LAMB4: variants seen among roughly 807,000 people sequenced by gnomAD.
LAMB4 encodes the protein laminin subunit beta-4.
LAMB4 carries 196 observed loss-of-function variants against 199.2 expected under a neutral mutation model. The ratio of observed to expected loss-of-function variants is 0.98; its 90% CI spans 0.88 to 1.11. The LOEUF is 1.11. Among genes scored for constraint, LAMB4 ranks in the 50% least tolerant of loss-of-function variants. The probability of loss-of-function intolerance (pLI) is 0.00; values close to 1 mark genes in which losing one functional copy is unlikely to be tolerated. For synonymous variants in LAMB4, 744 were observed against 770.6 expected, an observed-to-expected ratio of 0.97 and a Z score of 0.57; for missense variants, 2,080 against 2,171.2, an observed-to-expected ratio of 0.96 and a Z score of 0.83.
At chr7:108,097,535 C>T (rs1172295496) in intron 11 of LAMB4, among the ~76,000 whole-genome samples, 1 of 152,226 alleles carries the variant, frequency 6.6e-6, no homozygotes, top group African/African-American at 2.4e-5. Flanking sequence ...CCTGTAATCC[C>T]AGCACTTTGG....
intron 25 of LAMB4, among the ~76,000 whole-genome samples, chr7:108,054,323 C>T (rs6962826): frequency 0.072 from 10,950 of 152,240 alleles, 1,100 homozygotes; most frequent in African/African-American, 0.22. Context: ...TGGGCCCTGT[C>T]ACTGCATTTA....
At chr7:108,078,990 C>T (rs117716025) in intron 15 of LAMB4, among the ~76,000 whole-genome samples, 1 of 152,188 alleles carries the variant, frequency 6.6e-6, no homozygotes, top group Admixed American at 6.5e-5. Context: ...ACCACACCCC[C>T]CTCCAGCCAT....
intron 2 of LAMB4, among the ~76,000 whole-genome samples, chr7:108,122,482 T>C (rs147951185): frequency 1.3e-5 from 2 of 152,276 alleles, no homozygotes; most frequent in African/African-American, 2.4e-5. Flanking sequence ...ACCTCAGGGT[T>C]GGAAAATTGT....
the LAMB4 span, among the ~76,000 whole-genome samples, chr7:108,013,361 G>A: frequency 2.0e-4 from 31 of 152,084 alleles, no homozygotes; most frequent in Non-Finnish European, 3.7e-4. Context: ...CAGCCAATAC[G>A]CATTCGTATG....
chr7:108,040,081 T>G (rs900316353), intron 29 of LAMB4, among the ~76,000 whole-genome samples: 1 of 152,164 alleles, frequency 6.6e-6, no homozygotes, highest in Non-Finnish European at 1.5e-5. Flanking sequence ...ACAAAATCAA[T>G]GTACAAAAAT....
intron 3 of LAMB4, among the ~76,000 whole-genome samples, chr7:108,115,545 C>A (rs907214476): frequency 6.6e-6 from 1 of 152,030 alleles, no homozygotes; most frequent in African/African-American, 2.4e-5. Flanking sequence ...GTGGTGCATG[C>A]CTGTATTTTT....
In LAMB4 at chr7:108,063,948, T is replaced by C. The variant is rs1048096794; in HGVS notation, c.2874A>G (p.Gly958=). The C allele has an allele frequency of 6.2e-7, 1 of 1,614,134 alleles. No homozygotes were observed. Among genetic ancestry groups the C allele is most frequent in the Non-Finnish European group, 8.5e-7 (1 of 1,180,026 alleles). ...QCGECSTGFY[G]NPRISGAPCQ... ...AAGGTGCTCCTGAAATTCTTGGATT[T>C]CCATAGAAACCAGTAGAGCATTCTC... The change falls in exon 22 of 34, where the codon GGA becomes GGG. Residue 958 remains glycine, a synonymous_variant. Coordinates refer to ENST00000388781, the MANE Select transcript of LAMB4 (RefSeq NM_007356.3).
chr7:108,063,348 A>G (rs992904635), intron 22 of LAMB4, among the ~76,000 whole-genome samples: 1 of 152,168 alleles, frequency 6.6e-6, no homozygotes, highest in Non-Finnish European at 1.5e-5. Flanking sequence ...GTTTGTTACA[A>G]TGCAGATTCC....
intron 25 of LAMB4, among the ~76,000 whole-genome samples, chr7:108,053,103 A>G (rs535433907): frequency 3.3e-5 from 5 of 152,342 alleles, no homozygotes; most frequent in Admixed American, 3.3e-4. Flanking sequence ...CAATAAAAAT[A>G]ATGATAATTA....
intron 4 of LAMB4, among the ~76,000 whole-genome samples, chr7:108,110,262 C>T (rs954945138): frequency 6.6e-6 from 1 of 152,178 alleles, no homozygotes; most frequent in Non-Finnish European, 1.5e-5. Context: ...CTCCTGAGCT[C>T]AAGTGATCTG....
chr7:108,016,644 T>C, the LAMB4 span, among the ~76,000 whole-genome samples: 5 of 152,180 alleles, frequency 3.3e-5, no homozygotes, highest in African/African-American at 1.2e-4. Flanking sequence ...AGAAAAATCA[T>C]ATGTGAGAGC....
In LAMB4 at chr7:108,052,146, A is replaced by G. The variant is rs762491444; in HGVS notation, c.3867T>C (p.Leu1289=). The G allele has an allele frequency of 6.2e-7, 1 of 1,612,568 alleles. No homozygotes were observed. Among genetic ancestry groups the G allele is most frequent in the South Asian group, 1.1e-5 (1 of 90,622 alleles). ...TGGATTGCAAATCAATTTCTTCCTGAAGGTCTTCAAGTAAGAGGTCTGCTT... is the reference window on the plus strand; with the variant it reads ...TGGATTGCAAATCAATTTCTTCCTGGAGGTCTTCAAGTAAGAGGTCTGCTT... ...KNEADLLLED[L]QEEIDLQSSV... Residue 1289 remains leucine, a synonymous_variant, in exon 26 of 34, where the codon CTT becomes CTC. Transcript: ENST00000388781.
At chr7:108,056,831 G>A (rs959896536) in intron 24 of LAMB4, among the ~76,000 whole-genome samples, 1 of 152,062 alleles carries the variant, frequency 6.6e-6, no homozygotes, top group Non-Finnish European at 1.5e-5. Context: ...TTAGCCAGGT[G>A]TGGTGGCATA....
chr7:108,021,175 A>G (rs1198991968), downstream of LAMB4, among the ~76,000 whole-genome samples: 1 of 152,128 alleles, frequency 6.6e-6, no homozygotes, highest in Non-Finnish European at 1.5e-5. Flanking sequence ...AGTAGTCTAT[A>G]TTTGGTATTT....
At chr7:108,085,404 G>A (rs996277354) in intron 14 of LAMB4, among the ~76,000 whole-genome samples, 1 of 152,158 alleles carries the variant, frequency 6.6e-6, no homozygotes, top group African/African-American at 2.4e-5. Context: ...CTGCAAAGAT[G>A]AATGGTACAA....
intron 23 of LAMB4, among the ~76,000 whole-genome samples, chr7:108,061,739 C>CA (rs60564725): frequency 0.028 from 2,061 of 74,074 alleles, 27 homozygotes; most frequent in Non-Finnish European, 0.048. Flanking sequence ...ACTCTTGTCT[C>CA]AAAAAAAAAA....
chr7:108,104,500 T>C lies in LAMB4; in HGVS notation c.990A>G (p.Arg330=). 1.2e-6 allele frequency: 2 copies of C among 1,614,104 alleles called. No homozygotes were observed. Among genetic ancestry groups the C allele is most frequent in the Non-Finnish European group, 1.7e-6 (2 of 1,179,970 alleles). ...PAADLQDNAC[R]SCSCNSHSSR... ...TGCAGGGAACTGAGTTTCACCCACATCTGCAAGCGTTGTCCTGGAGGTCTG... is the reference window on the plus strand; with the variant it reads ...TGCAGGGAACTGAGTTTCACCCACACCTGCAAGCGTTGTCCTGGAGGTCTG... The change falls in exon 9 of 34, where the codon AGA becomes AGG. Residue 330 remains arginine, a splice_region_variant and synonymous_variant. Transcript: ENST00000388781.
chr7:108,034,773 A>C (rs1463429789), intron 30 of LAMB4, among the ~76,000 whole-genome samples: 1 of 152,124 alleles, frequency 6.6e-6, no homozygotes, highest in Non-Finnish European at 1.5e-5. Context: ...CAGGCCCTGC[A>C]TTTTTAGGCT....
At position 108,048,088 on chromosome 7, in the gene LAMB4, C is replaced by G. The variant is rs1434480203; in HGVS notation, c.4146G>C (p.Val1382=). The G allele has an allele frequency of 6.2e-7, 1 of 1,613,146 alleles. No homozygotes were observed. The highest frequency in any genetic ancestry group is 1.3e-5 in the African/African-American group (1 of 74,742). The change falls in exon 28 of 34, where the codon GTG becomes GTC. Residue 1382 remains valine, a synonymous_variant. Transcript: ENST00000388781. ...NEKVCGDPGN[V]PCVPLPCGGA... is the part of the protein sequence containing the mutation. ...CGCCACAGGGCAAGGGCACACATGG[C>G]ACATTTCCTGGATCTCCGCACACCT...
Sources: allele counts gnomAD v4.1 joint callset (sites outside exome capture counted in the v4.1 genomes callset), GRCh38; gene constraint gnomAD v4.1.1; transcripts MANE v1.5; gene names NCBI Gene and HGNC (gene_info 2026-07-23, HGNC 2026-07-21).